CSMD1: variants seen among roughly 807,000 people sequenced by gnomAD.
The protein encoded by CSMD1 is CUB and Sushi multiple domains 1.
In CSMD1, 213 loss-of-function variants were observed where a neutral mutation model predicts 417.5. That is an observed-to-expected ratio of 0.51 (90% confidence interval 0.46 to 0.57). The LOEUF (loss-of-function observed/expected upper bound fraction) is 0.57. Ranked by LOEUF, CSMD1 falls within the 20% of genes least tolerant of loss-of-function variation. The pLI, the probability that CSMD1 is intolerant of heterozygous loss-of-function variation, is 0.00. For missense variants in CSMD1, 6,923 were observed against 4,529.7 expected, an observed-to-expected ratio of 1.53 and a Z score of -15.17; for synonymous variants, 2,862 against 1,736.8, an observed-to-expected ratio of 1.65 and a Z score of -16.11.
At chr8:3,700,364 T>G (rs1219595888) in intron 7 of CSMD1, 4 of 152,222 alleles carry the variant, frequency 2.6e-5, no homozygotes, top group Admixed American at 6.5e-5. Flanking sequence ...AGGGTTACTT[T>G]ATGTGTGTGT....
At chr8:4,429,585 G>A (rs904456123) in intron 2 of CSMD1, among the ~76,000 whole-genome samples, 1 of 152,100 alleles carries the variant, frequency 6.6e-6, no homozygotes, top group Non-Finnish European at 1.5e-5. Flanking sequence ...TACTGATTTA[G>A]GAGGCAAAGA....
rs1399286408 is a variant in CSMD1, at chr8:3,321,198, T to TC, written c.3632-12696_3632-12695insG. Among the ~76,000 whole-genome samples the TC allele has an allele frequency of 6.6e-5, 10 of 152,042 alleles. 1 individual carries two copies. Among genetic ancestry groups the TC allele is most frequent in the Non-Finnish European group, 1.5e-4 (10 of 68,020 alleles). On this transcript the variant is annotated intron_variant, in intron 23 of 69. Coordinates refer to ENST00000635120, the MANE Select transcript of CSMD1 (RefSeq NM_033225.6). ...AAGCTTCCAGTGCTTAGTCTAAGCCTTCCTCACTGCACACAAGATTGCTGT... is the reference window on the plus strand; with the variant it reads ...AAGCTTCCAGTGCTTAGTCTAAGCCTCTCCTCACTGCACACAAGATTGCTGT...
At chr8:4,346,369 G>T (rs1285362417) in intron 3 of CSMD1, among the ~76,000 whole-genome samples, 1 of 152,062 alleles carries the variant, frequency 6.6e-6, no homozygotes, top group South Asian at 2.1e-4. Context: ...TACGATCTGC[G>T]GCTGCTTACC....
intron 2 of CSMD1, among the ~76,000 whole-genome samples, chr8:4,449,036 C>G (rs940680471): frequency 6.6e-6 from 1 of 152,092 alleles, no homozygotes; most frequent in African/African-American, 2.4e-5. Context: ...ATTTATGGTT[C>G]TTGAGTAAAA....
At chr8:3,289,206 T>G (rs1470062668) in intron 25 of CSMD1, among the ~76,000 whole-genome samples, 1 of 147,508 alleles carries the variant, frequency 6.8e-6, no homozygotes, top group Non-Finnish European at 1.5e-5. Flanking sequence ...TGTGCCACAT[T>G]TTCTTAATCC....
At chr8:4,281,589 C>A (rs753704669) in intron 3 of CSMD1, among the ~76,000 whole-genome samples, 3 of 152,048 alleles carry the variant, frequency 2.0e-5, no homozygotes, top group Non-Finnish European at 4.4e-5. Context: ...TTTTTTGAAT[C>A]TAAGAAGTAT....
intron 5 of CSMD1, among the ~76,000 whole-genome samples, chr8:3,928,124 A>G (rs976283365): frequency 4.6e-5 from 7 of 152,180 alleles, no homozygotes; most frequent in African/African-American, 1.7e-4. Flanking sequence ...TAAATAAACT[A>G]TCTATAGATT....
rs147768119 is a variant in CSMD1, at chr8:2,955,602, C to T, written c.9981G>A (p.Ser3327=). The T allele has an allele frequency of 3.4e-4, 556 of 1,613,518 alleles. 5 individuals are homozygous for T. The African/African-American group carries it at 5.6e-3, about 16-fold the overall frequency. The change falls in exon 64 of 70, where the codon TCG becomes TCA. Residue 3327 remains serine, a synonymous_variant. Transcript: ENST00000635120. ...CKADMKWTGK[S]PVCKSKGVRE... Reference sequence around the variant, plus strand: ...TCAATGACTTACTTTTACACACAGGCGACTTTCCTGTCCATTTCATGTCTG... The same window carrying T: ...TCAATGACTTACTTTTACACACAGGTGACTTTCCTGTCCATTTCATGTCTG...
At chr8:3,736,590 C>T (rs1456873494) in intron 6 of CSMD1, among the ~76,000 whole-genome samples, 1 of 152,140 alleles carries the variant, frequency 6.6e-6, no homozygotes, top group Admixed American at 6.5e-5. Context: ...GGCTCCCAGG[C>T]CCTGGCTCCT....
chr8:3,202,258 C>A (rs1434509840), intron 31 of CSMD1, among the ~76,000 whole-genome samples: 1 of 152,128 alleles, frequency 6.6e-6, no homozygotes, highest in Non-Finnish European at 1.5e-5. Flanking sequence ...AGGATCAAAC[C>A]CCATGATGAT....
chr8:3,655,789 T>A (rs1798071509), intron 7 of CSMD1, among the ~76,000 whole-genome samples: 1 of 151,946 alleles, frequency 6.6e-6, no homozygotes, highest in African/African-American at 2.4e-5. Flanking sequence ...AGGTAGAGTC[T>A]AATAGCAAGA....
chr8:3,661,869 G>T (rs1050178719), intron 7 of CSMD1, among the ~76,000 whole-genome samples: 1 of 152,106 alleles, frequency 6.6e-6, no homozygotes, highest in African/African-American at 2.4e-5. Context: ...GGTGTTGAAG[G>T]ACGACACATA....
intron 9 of CSMD1, 31 bp downstream of exon 9, chr8:3,586,105 A>C: frequency 3.1e-6 from 5 of 1,598,664 alleles, no homozygotes; most frequent in Non-Finnish European, 4.3e-6. Context: ...GAAAGAGATA[A>C]TCCAGGCTTT....
chr8:4,332,582 CACACACACACACACACACACACACAG>C lies in CSMD1; in HGVS notation c.415+87345_415+87370del, dbSNP rs1468091443. ...ACACACACACACACACACACACACA[CACACACACACACACACACACACACAG>C]AGTCATATGCAGAGACATTCAGATA... On this transcript the variant is annotated intron_variant, in intron 3 of 69. Transcript: ENST00000635120. Among the ~76,000 whole-genome samples, 15 of 142,902 alleles carry C rather than the reference CACACACACACACACACACACACACAG, an allele frequency of 1.0e-4. 1 individual carries two copies. The highest frequency in any genetic ancestry group is 4.4e-4 in the African/African-American group (15 of 33,712). 93.7% of individuals were successfully genotyped at this position (142,902 alleles called of 152,430 possible).
intron 26 of CSMD1, among the ~76,000 whole-genome samples, chr8:3,248,257 A>T (rs138470540): frequency 2.0e-5 from 3 of 152,214 alleles, no homozygotes; most frequent in Non-Finnish European, 4.4e-5. Flanking sequence ...TTAACTTGCA[A>T]TTAGGGTGAT....
chr8:3,135,737 A>T (rs1257168534), intron 41 of CSMD1, among the ~76,000 whole-genome samples: 1 of 152,118 alleles, frequency 6.6e-6, no homozygotes, highest in Non-Finnish European at 1.5e-5. Flanking sequence ...ACCCAAGTTG[A>T]CCTAACACAT....
intron 7 of CSMD1, among the ~76,000 whole-genome samples, chr8:3,684,488 T>C (rs2129030172): frequency 6.6e-6 from 1 of 151,400 alleles, no homozygotes; most frequent in African/African-American, 2.4e-5. Context: ...TTTCTTTGCT[T>C]GCTAATTATG....
At chr8:4,565,743 T>C (rs1221784439) in intron 2 of CSMD1, among the ~76,000 whole-genome samples, 1 of 83,478 alleles carries the variant, frequency 1.2e-5, no homozygotes, top group Non-Finnish European at 2.2e-5. Flanking sequence ...TTAAAAAAAA[T>C]ATATACATAT....
intron 2 of CSMD1, among the ~76,000 whole-genome samples, chr8:4,437,818 G>A (rs1222384554): frequency 1.3e-5 from 2 of 152,154 alleles, no homozygotes; most frequent in African/African-American, 4.8e-5. Context: ...TTTGGTTGAT[G>A]GGCTTGTCTG....
Sources: gnomAD v4.1 joint callset for allele counts (sites outside exome capture counted in the v4.1 genomes callset) on GRCh38, gnomAD v4.1.1 for gene constraint, MANE v1.5 for transcripts, NCBI Gene and HGNC (gene_info 2026-07-23, HGNC 2026-07-21) for gene names.